DCPS: variants seen among roughly 807,000 people sequenced by gnomAD.
The protein encoded by DCPS is m7GpppX diphosphatase.
A neutral mutation model predicts 34.7 loss-of-function variants in DCPS; 27 were observed. The observed-to-expected ratio is 0.78, with a 90% CI of 0.57 to 1.07. The LOEUF is 1.07. Ranked by LOEUF, DCPS falls within the 50% of genes least tolerant of loss-of-function variation. The pLI, the probability that DCPS is intolerant of heterozygous loss-of-function variation, is 0.00. For missense variants in DCPS, 464 were observed against 436.9 expected (o/e 1.06, Z -0.55); for synonymous variants, 185 against 185.7 (o/e 1.00, Z 0.03).
rs558389928 is a variant in DCPS, at chr11:126,342,499, A to G, written c.637-808A>G. Among the ~76,000 whole-genome samples the G allele has an allele frequency of 4.5e-4, 68 of 152,236 alleles. No homozygotes were observed. The highest frequency in any genetic ancestry group is 1.6e-3 in the African/African-American group (65 of 41,528). On this transcript the variant is annotated intron_variant, in intron 4 of 5. Transcript: ENST00000263579. The surrounding 1 kb of genome is among the most constrained non-coding windows in gnomAD (Gnocchi z 4.4). ...TCCGTATACATTCTATGCCCTATAC[A>G]TTCTTGCCTCCGAGTCTTTGCTCTG...
At chr11:126,330,713 ATATATATTTTTTTTTTTTTTTTTT>A (rs1951779896) in intron 2 of DCPS, among the ~76,000 whole-genome samples, 2 of 24,136 alleles carry the variant, frequency 8.3e-5, no homozygotes, top group Non-Finnish European at 1.3e-4. Context: ...ATATATATAT[ATATATATTTTTTTTTTTTTTTTTT>A]TTTTTTTTTT....
chr11:126,308,836 A>T (rs897120992), intron 2 of DCPS, among the ~76,000 whole-genome samples: 1 of 150,474 alleles, frequency 6.6e-6, no homozygotes, highest in Non-Finnish European at 1.5e-5. Context: ...GGCATTGCAC[A>T]CAAGTGGAGG....
At chr11:126,318,349 A>G (rs758777473) in intron 2 of DCPS, among the ~76,000 whole-genome samples, 3 of 152,230 alleles carry the variant, frequency 2.0e-5, no homozygotes, top group Admixed American at 6.5e-5. Context: ...TGTAGGACAG[A>G]GAACACCCTG....
At chr11:126,318,517 C>G (rs1174049116) in intron 2 of DCPS, among the ~76,000 whole-genome samples, 2 of 152,194 alleles carry the variant, frequency 1.3e-5, no homozygotes, top group African/African-American at 4.8e-5. Flanking sequence ...GAAAGCAGAT[C>G]CAGGAGAGCC....
chr11:126,333,865 TTCTCTCTCTCTCTC>T lies in DCPS; in HGVS notation c.522+2329_522+2342del, dbSNP rs112209917. Among the ~76,000 whole-genome samples the T allele has an allele frequency of 1.3e-5, 2 of 149,212 alleles. No homozygotes were observed. Among genetic ancestry groups the T allele is most frequent in the African/African-American group, 2.5e-5 (1 of 40,492 alleles). ...ACGCTTCAGGGAGTGGAGCTGGGAA[TTCTCTCTCTCTCTC>T]TCTCTCTCTCTCTGATATTTCTGAC... On this transcript the variant is annotated intron_variant, in intron 3 of 5. Transcript: ENST00000263579. This position sits in a 1 kb window ranked among gnomAD's most constrained non-coding sequence, Gnocchi z 5.7.
rs1005385084 is a variant in DCPS at position 126,328,273 on chromosome 11, G to C, written c.377-3132G>C. Among the ~76,000 whole-genome samples the C allele has an allele frequency of 1.3e-5, 2 of 152,140 alleles. No individual in the cohort carries two copies. The highest frequency in any genetic ancestry group is 4.8e-5 in the African/African-American group (2 of 41,430). On this transcript the variant is annotated intron_variant, in intron 2 of 5. Coordinates refer to ENST00000263579, the MANE Select transcript of DCPS (RefSeq NM_014026.6). The surrounding 1 kb of genome is among the most constrained non-coding windows in gnomAD (Gnocchi z 6.6). ...GGAAGCGCGGGAGCTGTGGAGCAGG[G>C]GACAGTTTGAGGGTGGCAGCTCCCA...
chr11:126,343,361 C>G lies in DCPS; in HGVS notation c.691C>G (p.Arg231Gly), dbSNP rs757830111. The change falls in exon 5 of 6, where the codon CGC (arginine) becomes GGC (glycine). Residue 231 changes from arginine (R) to glycine (G), a missense_variant. Arg to Gly is a moderately radical substitution (Grantham distance 125). Transcript: ENST00000263579. ...ICHRRGIRSL[R>G]DLTPEHLPLL... is the part of the protein sequence containing the mutation. ...CCATCGCCGGGGCATCAGATCCCTA[C>G]GCGACCTTACTCCGGAGCACTTGCC... 1.3e-5 allele frequency: 21 copies of G among 1,614,016 alleles called. No individual in the cohort carries two copies. The highest frequency in any genetic ancestry group is 1.8e-5 in the Non-Finnish European group (21 of 1,179,978).
intron 2 of DCPS, among the ~76,000 whole-genome samples, chr11:126,321,372 C>T (rs1422659307): frequency 2.0e-5 from 3 of 152,054 alleles, no homozygotes; most frequent in Non-Finnish European, 4.4e-5. Context: ...GATGTTTACA[C>T]CTTGAGCATT....
chr11:126,321,791 G>T (rs1305501250), intron 2 of DCPS, among the ~76,000 whole-genome samples: 1 of 152,160 alleles, frequency 6.6e-6, no homozygotes, highest in Non-Finnish European at 1.5e-5. Context: ...TATATTGAAT[G>T]TATAAGAATA....
rs918118482 is a variant in DCPS at position 126,332,947 on chromosome 11, A to G, written c.522+1397A>G. 6.6e-6 allele frequency among the ~76,000 whole-genome samples: 1 copy of G among 152,152 alleles called. No homozygotes were observed. The highest frequency in any genetic ancestry group is 2.4e-5 in the African/African-American group (1 of 41,422). On this transcript the variant is annotated intron_variant, in intron 3 of 5. Transcript: ENST00000263579. The surrounding 1 kb of genome is among the most constrained non-coding windows in gnomAD (Gnocchi z 5.4). ...TGCAGACCTGAGATTCAAGTAAGGA[A>G]GCCCTGATGTGGTTGGTGTGAGTAG...
rs528695434 is a variant in DCPS, at chr11:126,320,581, T to C, written c.377-10824T>C. On this transcript the variant is annotated intron_variant, in intron 2 of 5. Coordinates refer to ENST00000263579, the MANE Select transcript of DCPS (RefSeq NM_014026.6). The surrounding 1 kb of genome is among the most constrained non-coding windows in gnomAD (Gnocchi z 4.7). ...ACATTGGGAGGCCAAGGTGGGTGGA[T>C]TGCTTGAGCCCAAGAGTTTGAGACC... Among the ~76,000 whole-genome samples the C allele has an allele frequency of 1.5e-4, 23 of 152,194 alleles. No homozygotes were observed. Among genetic ancestry groups the C allele is most frequent in the Admixed American group, 6.5e-4 (10 of 15,284 alleles).
rs530498655 is a variant in DCPS, at chr11:126,323,068, T to C, written c.377-8337T>C. 6.6e-6 allele frequency among the ~76,000 whole-genome samples: 1 copy of C among 151,906 alleles called. No individual in the cohort carries two copies. The highest frequency in any genetic ancestry group is 1.5e-5 in the Non-Finnish European group (1 of 67,986). ...TCTCGAACTCCTGGGCTCAATAGATTTCCCCCCTGTTTCAGCCTCCCAAAG... is the reference window on the plus strand; with the variant it reads ...TCTCGAACTCCTGGGCTCAATAGATCTCCCCCCTGTTTCAGCCTCCCAAAG... On this transcript the variant is annotated intron_variant, in intron 2 of 5. Coordinates refer to ENST00000263579, the MANE Select transcript of DCPS (RefSeq NM_014026.6). The surrounding 1 kb of genome is among the most constrained non-coding windows in gnomAD (Gnocchi z 4.4).
In DCPS at chr11:126,343,275, C is replaced by T. The variant is rs1307531319; in HGVS notation, c.637-32C>T. ...GCAGCCTCCCCAGGTCTGTTCCCTG[C>T]TGAGCCTGGTCTCCCCTTGCTCTCT... On this transcript the variant is annotated intron_variant, in intron 4 of 5. Coordinates refer to ENST00000263579, the MANE Select transcript of DCPS (RefSeq NM_014026.6). 3 of 1,581,906 alleles carry T rather than the reference C, an allele frequency of 1.9e-6. No homozygotes were observed. The South Asian group carries it at 3.4e-5, about 18-fold the overall frequency.
Position 126,342,986 on chromosome 11 carries a change from C to G in DCPS, c.637-321C>G, listed in dbSNP as rs1206154045. ...TTGGGAGGCTGAGGCAGAAGAATCG[C>G]TTGAACCCAGGAGGCGGAGGTTGCA... On this transcript the variant is annotated intron_variant, in intron 4 of 5. Coordinates refer to ENST00000263579, the MANE Select transcript of DCPS (RefSeq NM_014026.6). The surrounding 1 kb of genome is among the most constrained non-coding windows in gnomAD (Gnocchi z 4.4). Among the ~76,000 whole-genome samples the G allele has an allele frequency of 1.3e-5, 2 of 150,186 alleles. No homozygotes were observed.
chr11:126,306,170 C>T (rs948053625), intron 1 of DCPS, among the ~76,000 whole-genome samples: 4 of 152,026 alleles, frequency 2.6e-5, no homozygotes, highest in Non-Finnish European at 4.4e-5. Context: ...ATCGGGAGTT[C>T]AAGACCAGCC....
chr11:126,304,120 G>C lies in DCPS; in HGVS notation c.40G>C (p.Glu14Gln). The C allele has an allele frequency of 6.2e-7, 1 of 1,613,696 alleles. No individual in the cohort carries two copies. The highest frequency in any genetic ancestry group is 8.5e-7 in the Non-Finnish European group (1 of 1,179,842). The part of the protein sequence containing the change: ...AAPQLGKRKR[E>Q]LDVEEAHAAS... ...TCCTCAACTAGGCAAGAGGAAGCGC[G>C]AATTGGACGTGGAGGAGGCCCACGC... The change falls in exon 1 of 6, where the codon GAA (glutamate) becomes CAA (glutamine). Residue 14 changes from glutamate to glutamine, a missense_variant. Coordinates refer to ENST00000263579, the MANE Select transcript of DCPS (RefSeq NM_014026.6).
chr11:126,308,322 C>T (rs1249991827), intron 2 of DCPS, among the ~76,000 whole-genome samples: 1 of 152,148 alleles, frequency 6.6e-6, no homozygotes, highest in Non-Finnish European at 1.5e-5. Context: ...CTTGTTTGCC[C>T]TCCAGCATTT....
At chr11:126,304,814 T>C (rs1951549698) in intron 1 of DCPS, among the ~76,000 whole-genome samples, 1 of 152,246 alleles carries the variant, frequency 6.6e-6, no homozygotes, top group African/African-American at 2.4e-5. Flanking sequence ...CCATCCCTGA[T>C]CTTCAGGACT....
Position 126,304,209 on chromosome 11 carries a change from G to C in DCPS, c.129G>C (p.Pro43=). 7 of 1,614,256 alleles carry C rather than the reference G, an allele frequency of 4.3e-6. No homozygotes were observed. Among genetic ancestry groups the C allele is most frequent in the Non-Finnish European group, 5.9e-6 (7 of 1,180,046 alleles). ...GTACCTGTGCTCCTGTCCGCTTACC[G>C]TTCTCCGGCTTCAGACTGCAGAAGG... The part of the protein sequence containing the change: ...GNGTCAPVRL[P]FSGFRLQKVL... The change falls in exon 1 of 6, where the codon CCG becomes CCC. Residue 43 remains proline, a synonymous_variant. Coordinates refer to ENST00000263579, the MANE Select transcript of DCPS (RefSeq NM_014026.6).
Sources: allele counts gnomAD v4.1 joint callset (sites outside exome capture counted in the v4.1 genomes callset), GRCh38; gene constraint gnomAD v4.1.1; non-coding constraint Gnocchi (gnomAD v3.1); transcripts MANE v1.5; gene names NCBI Gene and HGNC (gene_info 2026-07-23, HGNC 2026-07-21).